The following GALNTL6 variants were observed in gnomAD, a reference collection of about 807,000 sequenced individuals.
GALNTL6 encodes polypeptide N-acetylgalactosaminyltransferase like 6.
A neutral mutation model predicts 73.7 loss-of-function variants in GALNTL6; 46 were observed. That is an observed-to-expected ratio of 0.62 (90% CI 0.49 to 0.80). The LOEUF (loss-of-function observed/expected upper bound fraction) is 0.80, where lower values mean the gene tolerates loss of function less well. Ranked by LOEUF, GALNTL6 falls within the 30% of genes least tolerant of loss-of-function variation. GALNTL6 has a pLI of 0.00. For missense variants in GALNTL6, 604 were observed against 755.0 expected, an observed-to-expected ratio of 0.80 and a Z score of 2.34; for synonymous variants, 259 against 263.7, an observed-to-expected ratio of 0.98 and a Z score of 0.17.
chr4:171,839,423 T>C (rs1235786403), intron 2 of GALNTL6, among the ~76,000 whole-genome samples: 1 of 152,076 alleles, frequency 6.6e-6, no homozygotes, highest in Non-Finnish European at 1.5e-5. Context: ...GAAAATAAAG[T>C]CTTTGGTGAC....
At chr4:172,600,224 TC>T (rs1446202506) in intron 5 of GALNTL6, among the ~76,000 whole-genome samples, 2 of 152,078 alleles carry the variant, frequency 1.3e-5, no homozygotes, top group Non-Finnish European at 2.9e-5. Flanking sequence ...ATATTTGCCT[TC>T]CTGCCATTGG....
chr4:172,942,929 A>G (rs796139165), intron 9 of GALNTL6, among the ~76,000 whole-genome samples: 23 of 152,244 alleles, frequency 1.5e-4, no homozygotes, highest in African/African-American at 3.9e-4. Flanking sequence ...TCTCTCTTCA[A>G]CGGTTCCAGC....
chr4:172,822,080 C>G (rs1303721535), intron 7 of GALNTL6, among the ~76,000 whole-genome samples: 2 of 152,194 alleles, frequency 1.3e-5, no homozygotes, highest in African/African-American at 4.8e-5. Flanking sequence ...TGGGTGTGAT[C>G]TTTACCTCAA....
At chr4:172,156,702 T>C (rs1488093602) in intron 2 of GALNTL6, among the ~76,000 whole-genome samples, 1 of 150,998 alleles carries the variant, frequency 6.6e-6, no homozygotes. Flanking sequence ...CACAATCAAG[T>C]TGGGGAGCCA....
At chr4:172,917,260 A>T (rs1747570516) in intron 8 of GALNTL6, among the ~76,000 whole-genome samples, 1 of 151,962 alleles carries the variant, frequency 6.6e-6, no homozygotes, top group Non-Finnish European at 1.5e-5. Flanking sequence ...AGATGGATTA[A>T]AGACTTAAAT....
At chr4:171,878,648 T>C (rs748649173) in intron 2 of GALNTL6, among the ~76,000 whole-genome samples, 1 of 152,192 alleles carries the variant, frequency 6.6e-6, no homozygotes, top group Non-Finnish European at 1.5e-5. Flanking sequence ...ATGTCTCTAG[T>C]TGTTTTTATA....
chr4:172,759,288 A>C (rs1485401918), intron 5 of GALNTL6, among the ~76,000 whole-genome samples: 1 of 152,236 alleles, frequency 6.6e-6, no homozygotes, highest in Non-Finnish European at 1.5e-5. Context: ...CTTTGGGTGC[A>C]TGGTGGATGA....
At chr4:172,296,158 GC>G (rs1440658919) in intron 3 of GALNTL6, among the ~76,000 whole-genome samples, 40 of 151,968 alleles carry the variant, frequency 2.6e-4, no homozygotes, top group Non-Finnish European at 5.3e-4. Context: ...TCTATTCCTA[GC>G]TTTCTGAAAA....
intron 2 of GALNTL6, among the ~76,000 whole-genome samples, chr4:171,925,481 C>G (rs904392443): frequency 4.6e-5 from 7 of 152,134 alleles, no homozygotes; most frequent in Admixed American, 3.3e-4. Flanking sequence ...ATTCATTACA[C>G]TTAGAATTTG....
intron 5 of GALNTL6, among the ~76,000 whole-genome samples, chr4:172,749,476 C>A (rs1299739266): frequency 6.6e-6 from 1 of 152,000 alleles, no homozygotes; most frequent in East Asian, 1.9e-4. Flanking sequence ...TTATAAATTA[C>A]TAAGTTTTTA....
In GALNTL6 at chr4:172,067,442, A is replaced by G. The variant is rs994365045; in HGVS notation, c.139-162214A>G. On this transcript the variant is annotated intron_variant, in intron 2 of 12. Coordinates refer to ENST00000506823, the MANE Select transcript of GALNTL6 (RefSeq NM_001034845.3). Reference sequence around the variant, plus strand: ...ATTGCAAACGACTCTCGAATTTGCAATTATAACTCAGATTTCCCAGCAGAC... The same window carrying G: ...ATTGCAAACGACTCTCGAATTTGCAGTTATAACTCAGATTTCCCAGCAGAC... Among the ~76,000 whole-genome samples, 10 of 152,050 alleles carry G rather than the reference A, an allele frequency of 6.6e-5. 1 individual carries two copies. The highest frequency in any genetic ancestry group is 5.2e-4 in the Admixed American group (8 of 15,258).
intron 4 of GALNTL6, among the ~76,000 whole-genome samples, chr4:172,344,720 A>G (rs899357136): frequency 2.0e-5 from 3 of 152,194 alleles, no homozygotes; most frequent in African/African-American, 7.2e-5. Context: ...CCTTAATTCT[A>G]TCAGACAAAG....
chr4:171,942,269 T>A (rs370145), intron 2 of GALNTL6, among the ~76,000 whole-genome samples: 4,930 of 144,074 alleles, frequency 0.034, 235 homozygotes, highest in African/African-American at 0.088. Flanking sequence ...TAAATAAATA[T>A]AATATACAGA....
chr4:172,946,958 T>A (rs866444952), intron 9 of GALNTL6, among the ~76,000 whole-genome samples: 42 of 151,774 alleles, frequency 2.8e-4, no homozygotes, highest in African/African-American at 9.7e-4. Flanking sequence ...GGAGAAGAAA[T>A]TTTAACATTC....
At chr4:172,773,888 G>A (rs527636327) in intron 5 of GALNTL6, among the ~76,000 whole-genome samples, 134 of 152,184 alleles carry the variant, frequency 8.8e-4, no homozygotes, top group South Asian at 2.5e-3. Flanking sequence ...AATACAATTG[G>A]CTCAATCAAG....
intron 2 of GALNTL6, among the ~76,000 whole-genome samples, chr4:171,903,913 A>G (rs1201394722): frequency 1.3e-5 from 2 of 152,156 alleles, no homozygotes; most frequent in Non-Finnish European, 2.9e-5. Context: ...AGGTACTCCA[A>G]CAGACCTGCA....
intron 5 of GALNTL6, among the ~76,000 whole-genome samples, chr4:172,595,907 C>A (rs1326544050): frequency 1.3e-5 from 2 of 152,036 alleles, no homozygotes; most frequent in East Asian, 3.9e-4. Flanking sequence ...ATCTAAGTAT[C>A]CAACTTTGTA....
At chr4:171,927,492 T>C (rs942750198) in intron 2 of GALNTL6, among the ~76,000 whole-genome samples, 46 of 152,132 alleles carry the variant, frequency 3.0e-4, no homozygotes, top group African/African-American at 1.1e-3. Context: ...ATAATTAGAG[T>C]AACTATCTTG....
At chr4:172,676,092 C>T (rs1007096594) in intron 5 of GALNTL6, among the ~76,000 whole-genome samples, 5 of 152,096 alleles carry the variant, frequency 3.3e-5, no homozygotes, top group Non-Finnish European at 7.4e-5. Context: ...ATTTGCTTAA[C>T]CCAAGAGGCT....
Sources: gnomAD v4.1 joint callset for allele counts (sites outside exome capture counted in the v4.1 genomes callset) on GRCh38, gnomAD v4.1.1 for gene constraint, MANE v1.5 for transcripts, NCBI Gene and HGNC (gene_info 2026-07-23, HGNC 2026-07-21) for gene names.